Variants in FAR2 observed in about 807,000 individuals in gnomAD.
FAR2 encodes epididymis secretory protein Li 81.
In FAR2, 19 loss-of-function variants were observed where a neutral mutation model predicts 56.0. The observed-to-expected ratio is 0.34, with a 90% CI of 0.24 to 0.50. FAR2 has a LOEUF of 0.50. Ranked by LOEUF, FAR2 falls within the 20% of genes least tolerant of loss-of-function variation. The probability of loss-of-function intolerance (pLI) is 0.98; values close to 1 mark genes in which losing one functional copy is unlikely to be tolerated. For synonymous variants in FAR2, 219 were observed against 218.8 expected, an observed-to-expected ratio of 1.00 and a Z score of -0.01; for missense variants, 508 against 642.2, an observed-to-expected ratio of 0.79 and a Z score of 2.26.
At chr12:29,277,310 C>G (rs1948716450) in intron 2 of FAR2, 1 of 152,098 alleles carries the variant, frequency 6.6e-6, no homozygotes. Flanking sequence ...GACCTTGAGG[C>G]AAAATAAGGA....
At chr12:29,331,867 A>G (rs1266927512) in intron 10 of FAR2, 4 of 152,170 alleles carry the variant, frequency 2.6e-5, no homozygotes, top group African/African-American at 4.8e-5. Context: ...ACAAACCAAA[A>G]AAAGAATACA....
At chr12:29,331,707 T>C (rs908183453) in intron 10 of FAR2, 5 of 152,072 alleles carry the variant, frequency 3.3e-5, no homozygotes, top group African/African-American at 1.2e-4. Flanking sequence ...ACCTATCAGG[T>C]TTCTCTTCCT....
intron 2 of FAR2, among the ~76,000 whole-genome samples, chr12:29,274,324 G>A (rs1207612138): frequency 6.6e-6 from 1 of 151,612 alleles, no homozygotes; most frequent in Non-Finnish European, 1.5e-5. Flanking sequence ...ATAGTTTGCT[G>A]AGAATGATGG....
chr12:29,178,079 A>G (rs1272915186), intron 1 of FAR2, among the ~76,000 whole-genome samples: 1 of 152,180 alleles, frequency 6.6e-6, no homozygotes, highest in Non-Finnish European at 1.5e-5. Flanking sequence ...GGTCTGCTAC[A>G]TGAAGAATAA....
At chr12:29,234,224 G>T (rs932589720) in intron 1 of FAR2, among the ~76,000 whole-genome samples, 7 of 152,116 alleles carry the variant, frequency 4.6e-5, no homozygotes, top group African/African-American at 1.7e-4. Flanking sequence ...GGAATATCTA[G>T]TTGCTTTATT....
intron 1 of FAR2, among the ~76,000 whole-genome samples, chr12:29,235,756 G>A (rs1947931085): frequency 6.6e-6 from 1 of 151,918 alleles, no homozygotes; most frequent in South Asian, 2.1e-4. Context: ...CCAGCTCTGG[G>A]GAAAAAAAGG....
At chr12:29,193,953 A>G (rs1362701221) in intron 1 of FAR2, among the ~76,000 whole-genome samples, 1 of 152,134 alleles carries the variant, frequency 6.6e-6, no homozygotes, top group African/African-American at 2.4e-5. Context: ...ATTGGTGTGG[A>G]GTTGTTACAT....
intron 1 of FAR2, among the ~76,000 whole-genome samples, chr12:29,227,505 T>C (rs1947787901): frequency 6.6e-6 from 1 of 152,114 alleles, no homozygotes; most frequent in African/African-American, 2.4e-5. Context: ...GTAGGTCCTT[T>C]TTCTTTCATA....
chr12:29,282,901 T>G (rs967678337), intron 2 of FAR2, among the ~76,000 whole-genome samples: 1 of 152,168 alleles, frequency 6.6e-6, no homozygotes, highest in Admixed American at 6.5e-5. Context: ...TCTTTCTTAT[T>G]ACTAAGTTTC....
chr12:29,245,554 G>A (rs1315928114), intron 1 of FAR2, among the ~76,000 whole-genome samples: 1 of 152,168 alleles, frequency 6.6e-6, no homozygotes, highest in African/African-American at 2.4e-5. Context: ...GTTAAAGTAT[G>A]AGAACCACTA....
At chr12:29,186,762 ATTTATTTATTTATTTAT>A (rs373440995) in intron 1 of FAR2, among the ~76,000 whole-genome samples, 98,323 of 137,294 alleles carry the variant, frequency 0.72, 34,242 homozygotes, top group Non-Finnish European at 0.78. Context: ...TTTATTATTT[ATTTATTTATTTATTTAT>A]TTATTTATTT....
At chr12:29,213,297 A>C (rs1947575777) in intron 1 of FAR2, among the ~76,000 whole-genome samples, 1 of 152,118 alleles carries the variant, frequency 6.6e-6, no homozygotes, top group Non-Finnish European at 1.5e-5. Flanking sequence ...ACCTACACAA[A>C]TTCACTGCAG....
intron 1 of FAR2, among the ~76,000 whole-genome samples, chr12:29,165,757 C>T (rs1949820615): frequency 6.6e-6 from 1 of 152,036 alleles, no homozygotes; most frequent in African/African-American, 2.4e-5. Context: ...ACATTTGGAG[C>T]CTTGAAGAGG....
intron 5 of FAR2, among the ~76,000 whole-genome samples, 192 bp from the exon 6 acceptor site, chr12:29,308,994 T>C (rs1235087832): frequency 6.6e-6 from 1 of 152,094 alleles, no homozygotes; most frequent in African/African-American, 2.4e-5. Flanking sequence ...TTTTGCACAG[T>C]CAAATAAAGT....
At chr12:29,158,167 C>G (rs1181109359) in intron 1 of FAR2, among the ~76,000 whole-genome samples, 1 of 152,102 alleles carries the variant, frequency 6.6e-6, no homozygotes, top group Non-Finnish European at 1.5e-5. Context: ...AACTTGATGT[C>G]AGTAAATAAT....
chr12:29,214,412 T>C (rs1947594419), intron 1 of FAR2, among the ~76,000 whole-genome samples: 1 of 152,222 alleles, frequency 6.6e-6, no homozygotes, highest in Non-Finnish European at 1.5e-5. Context: ...ACAGAAGTAA[T>C]GAGACAGACG....
intron 1 of FAR2, among the ~76,000 whole-genome samples, chr12:29,180,353 C>T (rs1949980278): frequency 6.6e-6 from 1 of 152,114 alleles, no homozygotes; most frequent in South Asian, 2.1e-4. Flanking sequence ...CATAAAGATA[C>T]TCAAGGGTGC....
intron 1 of FAR2, among the ~76,000 whole-genome samples, chr12:29,209,845 C>G (rs1364359584): frequency 1.3e-5 from 2 of 152,136 alleles, no homozygotes; most frequent in Non-Finnish European, 1.5e-5. Flanking sequence ...AATTTTGTGA[C>G]TTTGGCAATT....
intron 1 of FAR2, among the ~76,000 whole-genome samples, chr12:29,212,055 G>C (rs1947555995): frequency 6.6e-6 from 1 of 151,612 alleles, no homozygotes; most frequent in Non-Finnish European, 1.5e-5. Flanking sequence ...CTGGGTGACA[G>C]AGCAAGACTC....
Sources: gnomAD v4.1 joint callset for allele counts (sites outside exome capture counted in the v4.1 genomes callset) on GRCh38, gnomAD v4.1.1 for gene constraint, MANE v1.5 for transcripts, NCBI Gene and HGNC (gene_info 2026-07-23, HGNC 2026-07-21) for gene names.